Variants in IQCM observed in about 807,000 individuals in gnomAD.
IQCM encodes the protein IQ domain-containing protein M.
A neutral mutation model predicts 57.6 loss-of-function variants in IQCM; 45 were observed. The ratio of observed to expected loss-of-function variants is 0.78; its 90% CI spans 0.62 to 1.00. The LOEUF (loss-of-function observed/expected upper bound fraction) is 1.00. Among genes scored for constraint, IQCM ranks in the 50% least tolerant of loss-of-function variants. The pLI is 0.00. For synonymous variants in IQCM, 148 were observed against 158.9 expected (o/e 0.93, Z 0.51); for missense variants, 468 against 511.6 (o/e 0.91, Z 0.82).
chr4:149,496,433 G>C (rs960965261), intron 12 of IQCM, among the ~76,000 whole-genome samples: 1 of 152,112 alleles, frequency 6.6e-6, no homozygotes, highest in Non-Finnish European at 1.5e-5. Context: ...GGATTATGTG[G>C]GTGAGTCCAA....
intron 6 of IQCM, among the ~76,000 whole-genome samples, 180 bp from the exon 7 acceptor site, chr4:149,682,386 A>C (rs1380531574): frequency 1.3e-5 from 2 of 151,168 alleles, no homozygotes; most frequent in South Asian, 4.1e-4. Flanking sequence ...ACAAAGACAA[A>C]ATACTACGAA....
At chr4:149,481,704 T>TG (rs1303893799) in intron 12 of IQCM, among the ~76,000 whole-genome samples, 1 of 134,696 alleles carries the variant, frequency 7.4e-6, no homozygotes, top group African/African-American at 2.7e-5. Flanking sequence ...CAGTTTTGTT[T>TG]TTTTTTTTTT....
intron 5 of IQCM, among the ~76,000 whole-genome samples, chr4:149,687,815 G>T (rs1355335648): frequency 1.3e-5 from 2 of 151,700 alleles, no homozygotes; most frequent in African/African-American, 4.8e-5. Flanking sequence ...CAATAAATGT[G>T]ATACACCACA....
intron 12 of IQCM, among the ~76,000 whole-genome samples, chr4:149,533,018 T>C (rs182835465): frequency 1.6e-4 from 24 of 152,260 alleles, no homozygotes; most frequent in Admixed American, 3.3e-4. Context: ...ATATTGAAGC[T>C]GAGACATGAG....
chr4:149,641,282 T>C (rs1163451271), intron 7 of IQCM, among the ~76,000 whole-genome samples: 4 of 152,194 alleles, frequency 2.6e-5, no homozygotes, highest in Non-Finnish European at 4.4e-5. Flanking sequence ...ATCTATTTAT[T>C]AATTCTGATT....
intron 12 of IQCM, among the ~76,000 whole-genome samples, chr4:149,540,086 T>C (rs1747698470): frequency 6.6e-6 from 1 of 151,784 alleles, no homozygotes; most frequent in Non-Finnish European, 1.5e-5. Flanking sequence ...GGTAGGGCCC[T>C]ACTTCAACAC....
At chr4:149,604,425 A>C in intron 8 of IQCM, among the ~76,000 whole-genome samples, 1 of 152,170 alleles carries the variant, frequency 6.6e-6, no homozygotes, top group East Asian at 1.9e-4. Flanking sequence ...TCATCAGCCT[A>C]AAGGTATATA....
intron 2 of IQCM, among the ~76,000 whole-genome samples, chr4:149,812,154 G>C (rs1159423239): frequency 6.6e-6 from 1 of 152,176 alleles, no homozygotes; most frequent in Non-Finnish European, 1.5e-5. Flanking sequence ...AGAAGTCAAA[G>C]TATGGTTTAT....
intron 3 of IQCM, 58 bp from the exon 4 acceptor site, chr4:149,735,516 A>G: frequency 1.4e-6 from 1 of 735,426 alleles, no homozygotes; most frequent in Non-Finnish European, 1.9e-6. Context: ...AAATTTTACA[A>G]GTTGACATTA....
chr4:149,443,413 A>G lies in IQCM; in HGVS notation c.1229-9856T>C, dbSNP rs1267309097. 2.0e-5 allele frequency among the ~76,000 whole-genome samples: 3 copies of G among 152,060 alleles called. No homozygotes were observed. In the East Asian group the frequency reaches 5.8e-4, roughly 29 times the overall value. ...GAATCCAAATCACTTCCAACAGGCA[A>G]TAACAGCTGGCTTTAGATTTTCTAA... On this transcript the variant is annotated intron_variant, in intron 12 of 13. Transcript: ENST00000636793.
At position 149,416,882 on chromosome 4, in the gene IQCM, T is replaced by A. The variant is rs534012831; in HGVS notation, c.1390+16514A>T. Among the ~76,000 whole-genome samples the A allele has an allele frequency of 4.9e-4, 74 of 152,202 alleles. 1 individual carries two copies. In the South Asian group the frequency reaches 0.015, roughly 32 times the overall value. ...AATGGAAGAAGTAGAAAGCAAGGTA[T>A]GTTTTCAGCACTGGAAAATGCTGAG... On this transcript the variant is annotated intron_variant, in intron 13 of 13. Transcript: ENST00000636793.
intron 7 of IQCM, among the ~76,000 whole-genome samples, chr4:149,644,706 G>A (rs959389837): frequency 1.4e-4 from 22 of 152,104 alleles, no homozygotes; most frequent in African/African-American, 2.4e-4. Flanking sequence ...TGTGGTCCAC[G>A]GATTAGCAGA....
intron 6 of IQCM, among the ~76,000 whole-genome samples, chr4:149,685,338 G>A (rs974135898): frequency 1.3e-5 from 2 of 151,414 alleles, no homozygotes; most frequent in African/African-American, 2.4e-5. Flanking sequence ...GAGTTAAAAT[G>A]GGTAACTCAA....
chr4:149,718,622 C>T (rs1166133738), intron 5 of IQCM, among the ~76,000 whole-genome samples: 4 of 152,186 alleles, frequency 2.6e-5, no homozygotes, highest in Admixed American at 6.5e-5. Context: ...TGACTTAAAA[C>T]GACGATTTCC....
chr4:149,534,786 AT>A (rs1218776116), intron 12 of IQCM, among the ~76,000 whole-genome samples: 3 of 152,118 alleles, frequency 2.0e-5, no homozygotes, highest in African/African-American at 7.2e-5. Context: ...TGAATTTTAA[AT>A]TTTGGAAATC....
chr4:149,648,444 G>A (rs1006708480), intron 7 of IQCM, among the ~76,000 whole-genome samples: 6 of 152,018 alleles, frequency 3.9e-5, no homozygotes, highest in Admixed American at 6.6e-5. Context: ...CCAGTCTATC[G>A]TTGGACATTT....
intron 12 of IQCM, among the ~76,000 whole-genome samples, chr4:149,490,584 C>A (rs1001289058): frequency 6.6e-6 from 1 of 152,044 alleles, no homozygotes; most frequent in Non-Finnish European, 1.5e-5. Context: ...ATCCTTTACT[C>A]CATTATTCAG....
At chr4:149,648,651 A>G (rs1758868528) in intron 7 of IQCM, among the ~76,000 whole-genome samples, 1 of 152,182 alleles carries the variant, frequency 6.6e-6, no homozygotes, top group Admixed American at 6.6e-5. Context: ...TGCAAGGACA[A>G]AAAACCAAAC....
At chr4:149,474,145 A>G (rs974171289) in intron 12 of IQCM, among the ~76,000 whole-genome samples, 1 of 151,906 alleles carries the variant, frequency 6.6e-6, no homozygotes, top group African/African-American at 2.4e-5. Context: ...AATAAATAAG[A>G]TTGCTAGTCA....
Sources: allele counts gnomAD v4.1 joint callset (sites outside exome capture counted in the v4.1 genomes callset), GRCh38; gene constraint gnomAD v4.1.1; transcripts MANE v1.5; gene names NCBI Gene and HGNC (gene_info 2026-07-23, HGNC 2026-07-21).